The following DOCK3 variants were observed in gnomAD, a reference collection of about 807,000 sequenced individuals.
DOCK3 encodes dedicator of cytokinesis 3.
A neutral mutation model predicts 265.6 loss-of-function variants in DOCK3; 60 were observed. The observed-to-expected ratio is 0.23, with a 90% CI of 0.18 to 0.28. The LOEUF (loss-of-function observed/expected upper bound fraction) is 0.28. Ranked by LOEUF, DOCK3 falls within the 10% of genes least tolerant of loss-of-function variation. The pLI, the probability that DOCK3 is intolerant of heterozygous loss-of-function variation, is 1.00. For synonymous variants in DOCK3, 881 were observed against 938.0 expected (o/e 0.94, Z 1.11); for missense variants, 1,981 against 2,594.3 (o/e 0.76, Z 5.14).
intron 22 of DOCK3, among the ~76,000 whole-genome samples, chr3:51,249,508 G>C (rs1278328827): frequency 1.1e-5 from 1 of 87,552 alleles, no homozygotes. Flanking sequence ...AGGTGGGGGG[G>C]TCAGCTCCCC....
At chr3:51,276,293 C>T (rs1226676947) in intron 25 of DOCK3, 2 of 912,396 alleles carry the variant, frequency 2.2e-6, no homozygotes, top group Non-Finnish European at 2.6e-6. Context: ...CTTGGCAGCT[C>T]TTCTTCCCAC....
intron 49 of DOCK3, among the ~76,000 whole-genome samples, chr3:51,369,476 G>A (rs560084299): frequency 5.3e-5 from 8 of 152,248 alleles, no homozygotes; most frequent in East Asian, 3.9e-4. Flanking sequence ...AAAATGAAGC[G>A]AAAAGAGAAG....
chr3:50,976,457 G>A (rs1258915074), intron 5 of DOCK3, among the ~76,000 whole-genome samples: 3 of 103,852 alleles, frequency 2.9e-5, no homozygotes, highest in South Asian at 8.4e-4. Flanking sequence ...GCGGTTTTGA[G>A]TGAGATTCTT....
At chr3:51,213,910 A>T (rs1560219956) in intron 13 of DOCK3, among the ~76,000 whole-genome samples, 1 of 152,176 alleles carries the variant, frequency 6.6e-6, no homozygotes. Flanking sequence ...TTAATAGACT[A>T]ATTCTCTGGG....
At chr3:50,713,728 A>G (rs1427032844) in intron 1 of DOCK3, among the ~76,000 whole-genome samples, 1 of 151,778 alleles carries the variant, frequency 6.6e-6, no homozygotes, top group Non-Finnish European at 1.5e-5. Flanking sequence ...CGCCATTTGG[A>G]TGTCTCCCAG....
chr3:50,808,190 A>G (rs920723996), intron 2 of DOCK3, among the ~76,000 whole-genome samples: 3 of 152,248 alleles, frequency 2.0e-5, no homozygotes, highest in African/African-American at 4.8e-5. Flanking sequence ...GTTGAAAACT[A>G]TAAAAATCTT....
chr3:50,863,544 T>G, intron 3 of DOCK3: 1 of 421,834 alleles, frequency 2.4e-6, no homozygotes, highest in Non-Finnish European at 4.6e-6. Flanking sequence ...TTTGCTAGAC[T>G]CTCGATGCTT....
intron 32 of DOCK3, among the ~76,000 whole-genome samples, chr3:51,328,243 C>G (rs1430994635): frequency 6.6e-6 from 1 of 152,132 alleles, no homozygotes; most frequent in African/African-American, 2.4e-5. Flanking sequence ...CTCTGCTGCT[C>G]CAGGTCCCCT....
intron 20 of DOCK3, among the ~76,000 whole-genome samples, chr3:51,237,175 A>G (rs1384891678): frequency 1.3e-5 from 2 of 151,988 alleles, no homozygotes; most frequent in African/African-American, 4.8e-5. Flanking sequence ...TGTTTATGCC[A>G]TCTACACGCA....
chr3:51,113,200 G>A (rs2109859925), intron 9 of DOCK3, among the ~76,000 whole-genome samples: 1 of 152,018 alleles, frequency 6.6e-6, no homozygotes, highest in South Asian at 2.1e-4. Flanking sequence ...TATATAACTG[G>A]CATGAGGTAA....
At chr3:51,150,424 A>C (rs1452361810) in intron 10 of DOCK3, among the ~76,000 whole-genome samples, 1 of 151,896 alleles carries the variant, frequency 6.6e-6, no homozygotes, top group Non-Finnish European at 1.5e-5. Flanking sequence ...TTTAATTGTG[A>C]TGTTAGGGTG....
intron 1 of DOCK3, among the ~76,000 whole-genome samples, chr3:50,735,984 T>C (rs1196177107): frequency 1.3e-5 from 2 of 152,140 alleles, no homozygotes; most frequent in African/African-American, 4.8e-5. Flanking sequence ...ATGTGCCATG[T>C]TGGTGTGCTG....
intron 5 of DOCK3, among the ~76,000 whole-genome samples, chr3:51,060,486 T>C (rs1025202954): frequency 6.6e-6 from 1 of 152,208 alleles, no homozygotes; most frequent in East Asian, 1.9e-4. Flanking sequence ...GTGTCCTGAA[T>C]GGTACTGCCT....
In DOCK3 at chr3:50,752,353, T is replaced by TA. The variant is rs1277521517; in HGVS notation, c.38-26316dup. Among the ~76,000 whole-genome samples the TA allele has an allele frequency of 5.3e-5, 8 of 151,588 alleles. No individual in the cohort carries two copies. In the South Asian group the frequency reaches 1.7e-3, roughly 32 times the overall value. Reference sequence around the variant, plus strand: ...GTGAAACCCCATCTCTACTAAAAATTAAAAAATAAGCTGGGCGTGGTGGTG... The same window carrying TA: ...GTGAAACCCCATCTCTACTAAAAATTAAAAAAATAAGCTGGGCGTGGTGGTG... On this transcript the variant is annotated intron_variant, in intron 1 of 52. Transcript: ENST00000266037.
chr3:51,021,764 C>T (rs1312339786), intron 5 of DOCK3, among the ~76,000 whole-genome samples: 3 of 150,622 alleles, frequency 2.0e-5, no homozygotes, highest in Non-Finnish European at 4.4e-5. Flanking sequence ...TGCATTCAAG[C>T]GATTCTCCTG....
At chr3:50,737,189 G>A (rs1376831053) in intron 1 of DOCK3, among the ~76,000 whole-genome samples, 1 of 152,132 alleles carries the variant, frequency 6.6e-6, no homozygotes, top group African/African-American at 2.4e-5. Flanking sequence ...TTGCTGTGCA[G>A]AAGCTCTTTA....
Position 50,890,037 on chromosome 3 carries a change from T to C in DOCK3, c.174T>C (p.Pro58=). The part of the protein sequence containing the change: ...TKKPNVKGIF[P]ANYIHLKKAI... Reference sequence around the variant, plus strand: ...TTTCTCTTTTACAGGGGATCTTTCCTGCAAATTACATTCACTTGAAAAAGG... The same window carrying C: ...TTTCTCTTTTACAGGGGATCTTTCCCGCAAATTACATTCACTTGAAAAAGG... Residue 58 remains proline (P), a synonymous_variant, in exon 4 of 53, where the codon CCT becomes CCC. Transcript: ENST00000266037. 1 of 1,418,650 alleles carries C rather than the reference T, an allele frequency of 7.0e-7. No individual in the cohort carries two copies. The highest frequency in any genetic ancestry group is 1.6e-5 in the South Asian group (1 of 62,372). 87.9% of individuals were successfully genotyped at this position (1,418,650 alleles called of 1,614,324 possible). A position where few individuals can be genotyped will look rare whatever the true frequency, so the allele number is the denominator to read the frequency against.
At chr3:50,808,117 A>G (rs2043539064) in intron 2 of DOCK3, among the ~76,000 whole-genome samples, 1 of 152,244 alleles carries the variant, frequency 6.6e-6, no homozygotes, top group Non-Finnish European at 1.5e-5. Flanking sequence ...AATGCTATTT[A>G]TAGTAGTATC....
chr3:51,334,317 T>C (rs997699235), intron 35 of DOCK3, among the ~76,000 whole-genome samples: 1 of 152,164 alleles, frequency 6.6e-6, no homozygotes, highest in African/African-American at 2.4e-5. Context: ...GGAGAAATGA[T>C]AAATGAAACC....
Sources: gnomAD v4.1 joint callset for allele counts (sites outside exome capture counted in the v4.1 genomes callset) on GRCh38, gnomAD v4.1.1 for gene constraint, MANE v1.5 for transcripts, NCBI Gene and HGNC (gene_info 2026-07-23, HGNC 2026-07-21) for gene names.